Variants in TCF4 observed in about 807,000 individuals in gnomAD.
The protein encoded by TCF4 is transcription factor 4.
In TCF4, 3 loss-of-function variants were observed where a neutral mutation model predicts 82.1. That is an observed-to-expected ratio of 0.04 (90% CI 0.02 to 0.09). The LOEUF is 0.09. TCF4 is among the 10% of genes least tolerant of loss of function. The probability of loss-of-function intolerance (pLI) is 1.00; values close to 1 mark genes in which losing one functional copy is unlikely to be tolerated. For missense variants in TCF4, 518 were observed against 852.7 expected (o/e 0.61, Z 4.89); for synonymous variants, 276 against 309.6 (o/e 0.89, Z 1.14).
intron 3 of TCF4, among the ~76,000 whole-genome samples, chr18:55,532,541 C>T (rs1447445909): frequency 6.6e-6 from 1 of 152,164 alleles, no homozygotes; most frequent in Non-Finnish European, 1.5e-5. Flanking sequence ...TACTGTCAAA[C>T]CTAAACATAC....
intron 3 of TCF4, among the ~76,000 whole-genome samples, chr18:55,476,188 G>A (rs1267907174): frequency 6.6e-6 from 1 of 151,942 alleles, no homozygotes; most frequent in Non-Finnish European, 1.5e-5. Context: ...AAAAAAAATT[G>A]GAAACATCTA....
Position 55,228,217 on chromosome 18 carries a change from T to C in TCF4, c.*4+4A>G. On this transcript the variant is annotated splice_donor_region_variant and intron_variant, in intron 19 of 19. Coordinates refer to ENST00000354452, the MANE Select transcript of TCF4 (RefSeq NM_001083962.2). ...ATCTCAGAAATGGCTGAAAACAAAC[T>C]TGCCCTTTTACATCTGTCCCATGTG... 4.3e-6 allele frequency: 7 copies of C among 1,614,120 alleles called. No homozygotes were observed. The highest frequency in any genetic ancestry group is 5.9e-6 in the Non-Finnish European group (7 of 1,179,994).
intron 3 of TCF4, among the ~76,000 whole-genome samples, chr18:55,480,011 A>G (rs1393231726): frequency 2.6e-5 from 4 of 152,064 alleles, no homozygotes; most frequent in Admixed American, 2.0e-4. Context: ...CTGAGCACCA[A>G]ATGTTCTCAG....
chr18:55,634,344 T>C (rs2097734253), intron 1 of TCF4, among the ~76,000 whole-genome samples: 1 of 152,220 alleles, frequency 6.6e-6, no homozygotes, highest in Admixed American at 6.5e-5. Flanking sequence ...TTAATGTCTC[T>C]GTTTTATTCA....
chr18:55,408,756 G>T (rs2094210896), intron 5 of TCF4, among the ~76,000 whole-genome samples: 1 of 152,006 alleles, frequency 6.6e-6, no homozygotes, highest in Admixed American at 6.6e-5. Flanking sequence ...TTCAAACCCT[G>T]GCAGTTTGTT....
intron 3 of TCF4, among the ~76,000 whole-genome samples, chr18:55,556,501 T>C (rs1459010773): frequency 6.6e-6 from 1 of 152,192 alleles, no homozygotes; most frequent in East Asian, 1.9e-4. Context: ...TAAAGACTGT[T>C]GCACTGAGAA....
intron 5 of TCF4, among the ~76,000 whole-genome samples, chr18:55,455,178 TC>T (rs1271003560): frequency 2.8e-5 from 1 of 36,344 alleles, no homozygotes; most frequent in South Asian, 1.0e-3. Context: ...AGACTCTGTC[TC>T]AAAAAAAAAA....
At chr18:55,579,410 T>C (rs1265146613) in intron 3 of TCF4, among the ~76,000 whole-genome samples, 1 of 151,316 alleles carries the variant, frequency 6.6e-6, no homozygotes, top group East Asian at 1.9e-4. Flanking sequence ...TCTAATTAAC[T>C]TGGAAGAACA....
chr18:55,633,057 A>G lies in TCF4; in HGVS notation c.196-1669T>C, dbSNP rs1280944480. 4.6e-5 allele frequency among the ~76,000 whole-genome samples: 7 copies of G among 152,248 alleles called. No individual in the cohort carries two copies. On this transcript the variant is annotated intron_variant, in intron 1 of 20. Coordinates refer to the TCF4 transcript ENST00000398339. This position sits in a 1 kb window ranked among gnomAD's most constrained non-coding sequence, Gnocchi z 4.0. The stretch of plus-strand genomic sequence containing the variant: ...TTATGTATTAGTTATCAATTGCTGT[A>G]TAAGAAATTAACCTGAAGCTTAGTG...
intron 6 of TCF4, among the ~76,000 whole-genome samples, chr18:55,354,451 A>C (rs2083007678): frequency 6.6e-6 from 1 of 152,190 alleles, no homozygotes; most frequent in African/African-American, 2.4e-5. Context: ...AACAGCCTTG[A>C]TCAACCACTG....
rs553133192 is a variant in TCF4 at position 55,561,938 on chromosome 18, A to T, written c.145+23342T>A. On this transcript the variant is annotated intron_variant, in intron 3 of 19. Coordinates refer to ENST00000354452, the MANE Select transcript of TCF4 (RefSeq NM_001083962.2). ...CAAATGAATAAATTCATTAAGACTTAAAGTATATTGTCCAAGATCACATTG... is the reference window on the plus strand; with the variant it reads ...CAAATGAATAAATTCATTAAGACTTTAAGTATATTGTCCAAGATCACATTG... Among the ~76,000 whole-genome samples the T allele has an allele frequency of 1.6e-4, 25 of 152,358 alleles. 1 individual carries two copies. The South Asian group carries it at 4.3e-3, about 26-fold the overall frequency.
intron 3 of TCF4, among the ~76,000 whole-genome samples, chr18:55,474,673 T>G (rs532272646): frequency 5.3e-5 from 8 of 152,308 alleles, no homozygotes; most frequent in African/African-American, 1.9e-4. Context: ...TGGGAACTGA[T>G]CAAGAAAAGA....
chr18:55,376,280 C>A (rs906236421), intron 6 of TCF4, among the ~76,000 whole-genome samples: 2 of 152,212 alleles, frequency 1.3e-5, no homozygotes, highest in African/African-American at 4.8e-5. Flanking sequence ...CCTGCCTCGG[C>A]CTCCTAAAGT....
chr18:55,480,295 A>AAAAAAG (rs2096394885), intron 3 of TCF4, among the ~76,000 whole-genome samples: 1 of 121,642 alleles, frequency 8.2e-6, no homozygotes, highest in Non-Finnish European at 1.8e-5. Context: ...AAAAAAAAAA[A>AAAAAAG]AGCGGGGGGG....
chr18:55,417,514 C>T (rs555776302), intron 5 of TCF4, among the ~76,000 whole-genome samples: 1 of 152,288 alleles, frequency 6.6e-6, no homozygotes, highest in Non-Finnish European at 1.5e-5. Context: ...GACATATTCT[C>T]GTTTCTTCTG....
intron 8 of TCF4, chr18:55,321,846 G>A (rs1249072857): frequency 1.2e-5 from 17 of 1,477,410 alleles, no homozygotes; most frequent in Non-Finnish European, 1.5e-5. Context: ...CCATATGGCC[G>A]GGCCAAGCGT....
intron 8 of TCF4, 81 bp downstream of exon 8, chr18:55,350,278 T>G (rs2082060133): frequency 6.9e-7 from 1 of 1,457,396 alleles, no homozygotes; most frequent in Non-Finnish European, 9.6e-7. Flanking sequence ...GCATGGAAAC[T>G]CATTTACTTC....
intron 6 of TCF4, among the ~76,000 whole-genome samples, chr18:55,385,040 C>G (rs763624697): frequency 6.6e-6 from 1 of 152,090 alleles, no homozygotes; most frequent in Non-Finnish European, 1.5e-5. Flanking sequence ...CCCCTTACCC[C>G]CTTTCTCTCT....
At chr18:55,635,660 G>T (rs1264005304) in intron 1 of TCF4, 4 of 1,519,368 alleles carry the variant, frequency 2.6e-6, no homozygotes, top group Admixed American at 4.4e-5. Context: ...TTTGGTTTCA[G>T]TTTCTACTAA....
Sources: gnomAD v4.1 joint callset for allele counts (sites outside exome capture counted in the v4.1 genomes callset) on GRCh38, gnomAD v4.1.1 for gene constraint, Gnocchi (gnomAD v3.1) non-coding constraint, MANE v1.5 for transcripts, NCBI Gene and HGNC (gene_info 2026-07-23, HGNC 2026-07-21) for gene names.